The following ACTA1 variants were observed in gnomAD, a reference collection of about 807,000 sequenced individuals.
ACTA1 encodes the protein actin alpha 1, skeletal muscle.
ACTA1 carries 25 observed loss-of-function variants against 35.8 expected under a neutral mutation model. The observed-to-expected ratio is 0.70, with a 90% CI of 0.51 to 0.97. The LOEUF (loss-of-function observed/expected upper bound fraction) is 0.97. ACTA1 is among the 50% of genes least tolerant of loss of function. ACTA1 has a pLI of 0.00. For missense variants in ACTA1, 174 were observed against 533.0 expected, an observed-to-expected ratio of 0.33 and a Z score of 6.63; for synonymous variants, 219 against 217.1, an observed-to-expected ratio of 1.01 and a Z score of -0.08.
chr1:229,431,666 G>A lies in ACTA1; in HGVS notation c.991-24C>T, dbSNP rs764754382. 2 of 1,613,942 alleles carry A rather than the reference G, an allele frequency of 1.2e-6. No individual in the cohort carries two copies. The highest frequency in any genetic ancestry group is 2.2e-5 in the South Asian group (2 of 91,068). On this transcript the variant is annotated intron_variant, in intron 6 of 6. Transcript: ENST00000366684. The surrounding 1 kb of genome is among the most constrained non-coding windows in gnomAD (Gnocchi z 7.1). Reference sequence around the variant, plus strand: ...ATCTGCAAGACAGCGCGTGAGGTGGGGAGACCTCACCCTGGAGCCCACCCC... The same window carrying A: ...ATCTGCAAGACAGCGCGTGAGGTGGAGAGACCTCACCCTGGAGCCCACCCC...
chr1:229,431,917 G>GC lies in ACTA1; in HGVS notation c.809-16_809-15insG, dbSNP rs746125735. On this transcript the variant is annotated splice_polypyrimidine_tract_variant and intron_variant, in intron 5 of 6. Coordinates refer to ENST00000366684, the MANE Select transcript of ACTA1 (RefSeq NM_001100.4). This position sits in a 1 kb window ranked among gnomAD's most constrained non-coding sequence, Gnocchi z 7.1. The stretch of plus-strand genomic sequence containing the variant: ...CGACTCCATACCTGGGGACCGCGGC[G>GC]GGGAGCGTGAGCAGAAGCTCGGGGC... 8.1e-6 allele frequency: 13 copies of GC among 1,609,940 alleles called. No homozygotes were observed. The highest frequency in any genetic ancestry group is 1.7e-5 in the Admixed American group (1 of 59,676).
rs1659926849 is a variant in ACTA1 at position 229,431,337 on chromosome 1, A to G, written c.*162T>C. ...TTTCGAAAAATAACAAAATGAGGTAATAAGTTAATGTATGTACACGTTATA... is the reference window on the plus strand; with the variant it reads ...TTTCGAAAAATAACAAAATGAGGTAGTAAGTTAATGTATGTACACGTTATA... On this transcript the variant is annotated 3_prime_UTR_variant, in exon 7 of 7. Transcript: ENST00000366684. The surrounding 1 kb of genome is among the most constrained non-coding windows in gnomAD (Gnocchi z 7.1). 12 of 953,872 alleles carry G rather than the reference A, an allele frequency of 1.3e-5. No individual in the cohort carries two copies. Among genetic ancestry groups the G allele is most frequent in the Middle Eastern group, 3.1e-4 (1 of 3,192 alleles). 59.1% of individuals were successfully genotyped at this position (953,872 alleles called of 1,614,324 possible).
In ACTA1 at chr1:229,432,975, G is replaced by T. The variant is rs754938940; in HGVS notation, c.129+12C>A. ...CCCCGAGCCGGCTCCCTCTGCGGAG[G>T]GGCAGCCTGACCTGGTGTCGGGGGC... On this transcript the variant is annotated intron_variant, in intron 2 of 6. Transcript: ENST00000366684. The T allele has an allele frequency of 3.1e-6, 5 of 1,613,568 alleles. No individual in the cohort carries two copies. In the African/African-American group the frequency reaches 6.7e-5, roughly 21 times the overall value.
chr1:229,432,985 A>C lies in ACTA1; in HGVS notation c.129+2T>G. On this transcript the variant is annotated splice_donor_variant, in intron 2 of 6. Transcript: ENST00000366684. LOFTEE classifies it high-confidence loss of function. ...GCTCCCTCTGCGGAGGGGCAGCCTG[A>C]CCTGGTGTCGGGGGCGGCCCACGAT... is the stretch of plus-strand genomic sequence containing the variant. The C allele has an allele frequency of 6.2e-7, 1 of 1,613,410 alleles. No homozygotes were observed. Among genetic ancestry groups the C allele is most frequent in the Non-Finnish European group, 8.5e-7 (1 of 1,179,708 alleles).
rs779530455 is a variant in ACTA1 at position 229,432,415 on chromosome 1, G to A, written c.471C>T (p.Ser157=). Residue 157 remains serine, a synonymous_variant, in exon 4 of 7, where the codon TCC becomes TCT. Transcript: ENST00000366684. ...SGRTTGIVLD[S]GDGVTHNVPI... is the part of the protein sequence containing the mutation. ...GCACGTTGTGGGTGACGCCGTCGCC[G>A]GAGTCCAGCACGATGCCTGTGCGCG... is the stretch of plus-strand genomic sequence containing the variant. The A allele has an allele frequency of 4.3e-6, 7 of 1,611,780 alleles. No homozygotes were observed. Among genetic ancestry groups the A allele is most frequent in the East Asian group, 2.2e-5 (1 of 44,816 alleles).
In ACTA1 at chr1:229,431,545, T is replaced by G; in HGVS notation, c.1088A>C (p.Glu363Ala). Residue 363 changes from glutamate (E) to alanine (A), a missense_variant, in exon 7 of 7, where the codon GAG (glutamate) becomes GCG (alanine). By Grantham distance (107) the Glu-to-Ala change is moderately radical. Transcript: ENST00000366684. This position sits in a 1 kb window ranked among gnomAD's most constrained non-coding sequence, Gnocchi z 7.1. ...TFQQMWITKQ[E>A]YDEAGPSIVH... is the part of the protein sequence containing the mutation. ...GATGGAAGGGCCGGCCTCGTCGTAC[T>G]CCTGCTTGGTGATCCACATCTGCTG... The G allele has an allele frequency of 1.9e-6, 3 of 1,613,776 alleles. No homozygotes were observed. Among genetic ancestry groups the G allele is most frequent in the Non-Finnish European group, 2.5e-6 (3 of 1,180,018 alleles).
At position 229,433,147 on chromosome 1, in the gene ACTA1, G is replaced by A. The variant is rs1659989393; in HGVS notation, c.-12-20C>T. ...TAGTTTCTGCAAGGACAGGGAGACCGCGAAGAGGCGCGGTGCATCAGCGCA... is the reference window on the plus strand; with the variant it reads ...TAGTTTCTGCAAGGACAGGGAGACCACGAAGAGGCGCGGTGCATCAGCGCA... On this transcript the variant is annotated intron_variant, in intron 1 of 6. Coordinates refer to ENST00000366684, the MANE Select transcript of ACTA1 (RefSeq NM_001100.4). 7 of 1,613,760 alleles carry A rather than the reference G, an allele frequency of 4.3e-6. No homozygotes were observed. The highest frequency in any genetic ancestry group is 5.9e-6 in the Non-Finnish European group (7 of 1,179,908).
At chr1:229,433,651 G>C (rs748113768) in intron 1 of ACTA1, among the ~76,000 whole-genome samples, 1 of 152,228 alleles carries the variant, frequency 6.6e-6, no homozygotes, top group Non-Finnish European at 1.5e-5. Context: ...CTTTTCGCCT[G>C]TTGGAAACCC....
At chr1:229,433,454 G>A (rs1053350806) in intron 1 of ACTA1, among the ~76,000 whole-genome samples, 1 of 152,170 alleles carries the variant, frequency 6.6e-6, no homozygotes, top group Non-Finnish European at 1.5e-5. Flanking sequence ...GGAGCTGGAC[G>A]CTAGTGCCCA....
Position 229,431,344 on chromosome 1 carries a change from A to G in ACTA1, c.*155T>C. On this transcript the variant is annotated 3_prime_UTR_variant, in exon 7 of 7. Coordinates refer to ENST00000366684, the MANE Select transcript of ACTA1 (RefSeq NM_001100.4). The surrounding 1 kb of genome is among the most constrained non-coding windows in gnomAD (Gnocchi z 7.1). ...AAATAACAAAATGAGGTAATAAGTT[A>G]ATGTATGTACACGTTATAAACACTG... 1 of 999,652 alleles carries G rather than the reference A, an allele frequency of 1.0e-6. No individual in the cohort carries two copies. The highest frequency in any genetic ancestry group is 1.6e-6 in the Non-Finnish European group (1 of 643,680). 61.9% of individuals were successfully genotyped at this position (999,652 alleles called of 1,614,324 possible).
chr1:229,433,184 G>T, intron 1 of ACTA1, 57 bp from the exon 2 acceptor site: 3 of 1,594,412 alleles, frequency 1.9e-6, no homozygotes, highest in Non-Finnish European at 2.6e-6. Flanking sequence ...AAGTCTCAGC[G>T]GCAGGGGGGG....
In ACTA1 at chr1:229,431,623, C is replaced by T. The variant is rs201493638; in HGVS notation, c.1010G>A (p.Arg337His). 1.2e-6 allele frequency: 2 copies of T among 1,613,972 alleles called. No homozygotes were observed. Among genetic ancestry groups the T allele is most frequent in the South Asian group, 1.1e-5 (1 of 91,080 alleles). ...GCCGCCGATCCACACCGAGTATTTG[C>T]GCTCCGGCGGGGCGATGATCTGCAA... ...MKIKIIAPPE[R>H]KYSVWIGGSI... Residue 337 changes from arginine (R) to histidine (H), a missense_variant, in exon 7 of 7, where the codon CGC (arginine) becomes CAC (histidine). Arg to His is a conservative substitution (Grantham distance 29). Coordinates refer to ENST00000366684, the MANE Select transcript of ACTA1 (RefSeq NM_001100.4). The surrounding 1 kb of genome is among the most constrained non-coding windows in gnomAD (Gnocchi z 7.1).
chr1:229,432,618 A>G lies in ACTA1; in HGVS notation c.392T>C (p.Val131Ala). ...MTQIMFETFN[V>A]PAMYVAIQAV... The stretch of plus-strand genomic sequence containing the variant: ...CTGGATGGCCACGTACATGGCGGGC[A>G]CGTTGAAGGTCTCAAACATGATCTG... The change falls in exon 3 of 7, where the codon GTG becomes GCG. Residue 131 changes from valine to alanine, a missense_variant. Coordinates refer to ENST00000366684, the MANE Select transcript of ACTA1 (RefSeq NM_001100.4). 6.2e-7 allele frequency: 1 copy of G among 1,613,980 alleles called. No homozygotes were observed. Among genetic ancestry groups the G allele is most frequent in the Non-Finnish European group, 8.5e-7 (1 of 1,179,980 alleles).
rs1333637443 is a variant in ACTA1, at chr1:229,431,422, G to A, written c.*77C>T. Reference sequence around the variant, plus strand: ...GTTGTTACAAAGAAAGTGACTGCGGGGTGGCTGGAGCTCAGCCGCCCCCCC... The same window carrying A: ...GTTGTTACAAAGAAAGTGACTGCGGAGTGGCTGGAGCTCAGCCGCCCCCCC... On this transcript the variant is annotated 3_prime_UTR_variant, in exon 7 of 7. Coordinates refer to ENST00000366684, the MANE Select transcript of ACTA1 (RefSeq NM_001100.4). This position sits in a 1 kb window ranked among gnomAD's most constrained non-coding sequence, Gnocchi z 7.1. 5.7e-6 allele frequency: 9 copies of A among 1,590,714 alleles called. No homozygotes were observed. The highest frequency in any genetic ancestry group is 1.3e-5 in the African/African-American group (1 of 74,402).
intron 1 of ACTA1, 59 bp from the exon 2 acceptor site, chr1:229,433,186 C>A (rs1307582503): frequency 1.9e-6 from 3 of 1,593,884 alleles, no homozygotes; most frequent in Non-Finnish European, 2.6e-6. Flanking sequence ...GTCTCAGCGG[C>A]AGGGGGGGGT....
In ACTA1 at chr1:229,431,936, TC is replaced by T. The variant is rs59228224; in HGVS notation, c.809-35del. 0.18 allele frequency: 291,230 copies of T among 1,608,438 alleles called. 27,349 individuals are homozygous for T. The highest frequency in any genetic ancestry group is 0.28 in the African/African-American group (20,520 of 74,490). On this transcript the variant is annotated intron_variant, in intron 5 of 6. Transcript: ENST00000366684. The surrounding 1 kb of genome is among the most constrained non-coding windows in gnomAD (Gnocchi z 7.1). ...CGCGGCGGGGAGCGTGAGCAGAAGC[TC>T]GGGGCGCCGGGGGCCGGCGGGGCCT...
At position 229,432,331 on chromosome 1, in the gene ACTA1, G is replaced by A. The variant is rs759606148; in HGVS notation, c.555C>T (p.Arg185=). The change falls in exon 4 of 7, where the codon CGC becomes CGT. Residue 185 remains arginine, a synonymous_variant. Transcript: ENST00000366684. ...HAIMRLDLAG[R]DLTDYLMKIL... ...TCTTCATCAGGTAGTCGGTGAGATC[G>A]CGGCCCGCCAGGTCCAGGCGCATGA... The A allele has an allele frequency of 2.8e-5, 45 of 1,613,752 alleles. 1 individual carries two copies. In the East Asian group the frequency reaches 5.6e-4, roughly 20 times the overall value.
chr1:229,431,357 G>T lies in ACTA1; in HGVS notation c.*142C>A. 8.8e-7 allele frequency: 1 copy of T among 1,131,426 alleles called. No individual in the cohort carries two copies. Among genetic ancestry groups the T allele is most frequent in the Non-Finnish European group, 1.3e-6 (1 of 751,870 alleles). The allele number at this position is 1,131,426 out of a possible 1,614,324, so 70.1% of individuals were successfully genotyped here. A position where few individuals can be genotyped will look rare whatever the true frequency, so the allele number is the denominator to read the frequency against. On this transcript the variant is annotated 3_prime_UTR_variant, in exon 7 of 7. Coordinates refer to ENST00000366684, the MANE Select transcript of ACTA1 (RefSeq NM_001100.4). This position sits in a 1 kb window ranked among gnomAD's most constrained non-coding sequence, Gnocchi z 7.1. The stretch of plus-strand genomic sequence containing the variant: ...AGGTAATAAGTTAATGTATGTACAC[G>T]TTATAAACACTGTGTCAGTTTACGA...
At chr1:229,433,831 G>T (rs997107391) in intron 1 of ACTA1, among the ~76,000 whole-genome samples, 173 bp downstream of exon 1, 1 of 151,086 alleles carries the variant, frequency 6.6e-6, no homozygotes, top group East Asian at 1.9e-4. Context: ...AATTTCCAGA[G>T]GCTGACTGTC....
Sources: allele counts gnomAD v4.1 joint callset (sites outside exome capture counted in the v4.1 genomes callset), GRCh38; gene constraint gnomAD v4.1.1; non-coding constraint Gnocchi (gnomAD v3.1); transcripts MANE v1.5; gene names NCBI Gene and HGNC (gene_info 2026-07-23, HGNC 2026-07-21).